Variants in KLHL1 observed in about 807,000 individuals in gnomAD.
KLHL1 encodes kelch like family member 1, also known as kelch-like protein 1.
KLHL1 carries 47 observed loss-of-function variants against 77.7 expected under a neutral mutation model. That is an observed-to-expected ratio of 0.60 (90% CI 0.48 to 0.77). The LOEUF (loss-of-function observed/expected upper bound fraction) is 0.77, where lower values mean the gene tolerates loss of function less well. Among genes scored for constraint, KLHL1 ranks in the 30% least tolerant of loss-of-function variants. KLHL1 has a pLI of 0.00. For synonymous variants in KLHL1, 360 were observed against 325.2 expected, an observed-to-expected ratio of 1.11 and a Z score of -1.15; for missense variants, 925 against 910.8, an observed-to-expected ratio of 1.02 and a Z score of -0.20.
At chr13:69,817,243 G>A (rs192014621) in intron 6 of KLHL1, among the ~76,000 whole-genome samples, 2 of 152,092 alleles carry the variant, frequency 1.3e-5, no homozygotes, top group Non-Finnish European at 2.9e-5. Context: ...CGTTGAAAAT[G>A]TAGACACTGG....
At chr13:69,760,420 A>G (rs771265704) in intron 7 of KLHL1, among the ~76,000 whole-genome samples, 156 of 152,046 alleles carry the variant, frequency 1.0e-3, no homozygotes, top group Non-Finnish European at 2.0e-3. Flanking sequence ...CAAGAGCATG[A>G]TCTCAGCTCA....
chr13:69,970,056 CA>C (rs1884335203), intron 2 of KLHL1, among the ~76,000 whole-genome samples: 1 of 152,130 alleles, frequency 6.6e-6, no homozygotes, highest in Non-Finnish European at 1.5e-5. Flanking sequence ...ACCTCTGATT[CA>C]TTGACTTTTC....
At chr13:69,877,481 T>G (rs931924857) in intron 5 of KLHL1, among the ~76,000 whole-genome samples, 7 of 151,954 alleles carry the variant, frequency 4.6e-5, no homozygotes, top group South Asian at 2.1e-4. Flanking sequence ...ATATTTTTTT[T>G]TCAGTCATTC....
At chr13:69,823,975 T>C (rs1330884398) in intron 6 of KLHL1, among the ~76,000 whole-genome samples, 1 of 151,908 alleles carries the variant, frequency 6.6e-6, no homozygotes, top group African/African-American at 2.4e-5. Context: ...TATATCATTA[T>C]GTGTGTGTGT....
At chr13:69,896,388 C>T (rs1566375454) in intron 4 of KLHL1, among the ~76,000 whole-genome samples, 1 of 152,070 alleles carries the variant, frequency 6.6e-6, no homozygotes, top group Non-Finnish European at 1.5e-5. Context: ...CTGCAAAGTA[C>T]CTACACAGTA....
intron 7 of KLHL1, among the ~76,000 whole-genome samples, chr13:69,750,660 T>C (rs1874438733): frequency 6.6e-6 from 1 of 151,984 alleles, no homozygotes; most frequent in Non-Finnish European, 1.5e-5. Context: ...GATTGACTCA[T>C]ATACTATTTT....
intron 1 of KLHL1, among the ~76,000 whole-genome samples, chr13:70,030,790 T>C (rs1047033918): frequency 6.6e-6 from 1 of 152,000 alleles, no homozygotes; most frequent in African/African-American, 2.4e-5. Flanking sequence ...CTTCAAAAAA[T>C]CAATGAATCC....
intron 1 of KLHL1, among the ~76,000 whole-genome samples, chr13:70,086,605 AGAAAG>A (rs1566564268): frequency 9.4e-5 from 6 of 63,580 alleles, no homozygotes; most frequent in Non-Finnish European, 1.3e-4. Flanking sequence ...AAAGAAAGAA[AGAAAG>A]AAAGAAAGAA....
intron 7 of KLHL1, among the ~76,000 whole-genome samples, chr13:69,784,971 G>A (rs1282095780): frequency 2.2e-5 from 3 of 136,686 alleles, no homozygotes; most frequent in African/African-American, 8.3e-5. Flanking sequence ...CTCACTGCAA[G>A]CTCCGCCTCC....
Position 69,913,979 on chromosome 13 carries a change from A to ATCCCTTCT in KLHL1, c.1014+26060_1014+26061insAGAAGGGA, listed in dbSNP as rs1882330160. ...AATCTAATCAACTGCCAGTACAGCT[A>ATCCCTTCT]GAATATAAAGCAGGAAGAAGAACGT... is the stretch of plus-strand genomic sequence containing the variant. On this transcript the variant is annotated intron_variant, in intron 4 of 10. Transcript: ENST00000377844. Among the ~76,000 whole-genome samples the ATCCCTTCT allele has an allele frequency of 1.3e-5, 2 of 152,204 alleles. 1 individual carries two copies. The highest frequency in any genetic ancestry group is 2.9e-5 in the Non-Finnish European group (2 of 68,028).
chr13:69,877,219 C>T (rs1190729410), intron 5 of KLHL1, among the ~76,000 whole-genome samples: 2 of 152,036 alleles, frequency 1.3e-5, no homozygotes, highest in African/African-American at 2.4e-5. Flanking sequence ...TAAAGCCATT[C>T]ATTAGAAAAT....
At chr13:69,931,232 T>C (rs1381675468) in intron 4 of KLHL1, among the ~76,000 whole-genome samples, 1 of 151,864 alleles carries the variant, frequency 6.6e-6, no homozygotes, top group Admixed American at 6.6e-5. Context: ...TACTATAATA[T>C]CTAGCCTGAA....
At chr13:70,039,636 ACT>A (rs1886325068) in intron 1 of KLHL1, among the ~76,000 whole-genome samples, 2 of 139,512 alleles carry the variant, frequency 1.4e-5, no homozygotes, top group African/African-American at 5.3e-5. Context: ...GATTCCTTGA[ACT>A]TTTTTTTTTT....
chr13:69,773,897 G>A (rs9572272), intron 7 of KLHL1, among the ~76,000 whole-genome samples: 2 of 150,188 alleles, frequency 1.3e-5, no homozygotes, highest in Admixed American at 1.3e-4. Context: ...AGAATAAAAC[G>A]TATTGTGGGA....
intron 4 of KLHL1, among the ~76,000 whole-genome samples, chr13:69,908,959 C>G (rs1882139073): frequency 6.7e-6 from 1 of 149,494 alleles, no homozygotes; most frequent in Non-Finnish European, 1.5e-5. Context: ...AATAAAATTA[C>G]TAATTTAATA....
chr13:70,064,060 C>A (rs1886951617), intron 1 of KLHL1, among the ~76,000 whole-genome samples: 1 of 152,022 alleles, frequency 6.6e-6, no homozygotes, highest in Admixed American at 6.6e-5. Context: ...GATTATCAAG[C>A]TTTAGTTAGA....
Position 70,071,597 on chromosome 13 carries a change from C to CA in KLHL1, c.497+35605dup, listed in dbSNP as rs201709645. ...GGCCATAAAACTGACCTTAACGAAT[C>CA]AAAAAAAGAAAAAAATCAGACATCA... On this transcript the variant is annotated intron_variant, in intron 1 of 10. Coordinates refer to ENST00000377844, the MANE Select transcript of KLHL1 (RefSeq NM_020866.3). 3.9e-3 allele frequency among the ~76,000 whole-genome samples: 595 copies of CA among 151,036 alleles called. 7 individuals carry two copies. The highest frequency in any genetic ancestry group is 0.014 in the African/African-American group (566 of 41,146).
chr13:70,098,131 T>C (rs1217976874), intron 1 of KLHL1, among the ~76,000 whole-genome samples: 1 of 151,792 alleles, frequency 6.6e-6, no homozygotes, highest in African/African-American at 2.4e-5. Flanking sequence ...TACTATGACA[T>C]TGCTAGCTCA....
intron 5 of KLHL1, among the ~76,000 whole-genome samples, chr13:69,843,967 T>G (rs961807452): frequency 6.6e-6 from 1 of 151,738 alleles, no homozygotes; most frequent in African/African-American, 2.4e-5. Flanking sequence ...TATTGATTAA[T>G]TAATGATAAT....
Sources: gnomAD v4.1 joint callset for allele counts (sites outside exome capture counted in the v4.1 genomes callset) on GRCh38, gnomAD v4.1.1 for gene constraint, MANE v1.5 for transcripts, NCBI Gene and HGNC (gene_info 2026-07-23, HGNC 2026-07-21) for gene names.